Variants in ADCY10 observed in about 807,000 individuals in gnomAD.
ADCY10 encodes the protein adenylate cyclase 10, also known as adenylate cyclase type 10.
ADCY10 carries 156 observed loss-of-function variants against 183.3 expected under a neutral mutation model. The ratio of observed to expected loss-of-function variants is 0.85; its 90% CI spans 0.75 to 0.97. ADCY10 has a LOEUF of 0.97. Among genes scored for constraint, ADCY10 ranks in the 50% least tolerant of loss-of-function variants. ADCY10 has a pLI of 0.00. For missense variants in ADCY10, 1,745 were observed against 1,934.3 expected (o/e 0.90, Z 1.84); for synonymous variants, 645 against 670.0 (o/e 0.96, Z 0.58).
chr1:167,822,182 G>A (rs555126677), intron 29 of ADCY10, 41 bp from the exon 30 acceptor site: 10 of 1,259,336 alleles, frequency 7.9e-6, no homozygotes, highest in African/African-American at 2.9e-5. Context: ...TAGTAGGTGT[G>A]GGTGATCATC....
intron 13 of ADCY10, among the ~76,000 whole-genome samples, chr1:167,874,587 C>A (rs1667324147): frequency 9.2e-6 from 1 of 108,974 alleles, no homozygotes; most frequent in South Asian, 2.5e-4. Flanking sequence ...TTTGTCCCAA[C>A]AATTTCAGTC....
intron 21 of ADCY10, 200 bp downstream of exon 21, chr1:167,845,363 T>G: frequency 1.6e-6 from 1 of 609,534 alleles, no homozygotes; most frequent in Non-Finnish European, 2.9e-6. Context: ...TATAGTGAGA[T>G]TGGTTCGCTA....
rs1390163051 is a variant in ADCY10 at position 167,836,523 on chromosome 1, TC to T, written c.3094del (p.Glu1032LysfsTer4). On this transcript the variant is annotated frameshift_variant, in exon 23 of 33. Coordinates refer to ENST00000367851, the MANE Select transcript of ADCY10 (RefSeq NM_018417.6). LOFTEE classifies it high-confidence loss of function. ...GTGGTCAAAGAAATTCAAGATCTTTTCTCTTATTTCTTCAGGACTGTCCATA... is the reference window on the plus strand; with the variant it reads ...GTGGTCAAAGAAATTCAAGATCTTTTTCTTATTTCTTCAGGACTGTCCATA... Reference protein sequence around the residue: ...PENRSPEEIREKILNFFDHVL... With the variant: ...PENRSPEEIRXKILNFFDHVL... The T allele has an allele frequency of 6.2e-7, 1 of 1,607,790 alleles. No homozygotes were observed. The highest frequency in any genetic ancestry group is 8.5e-7 in the Non-Finnish European group (1 of 1,174,414).
At chr1:167,905,983 C>T (rs1050678741) in intron 1 of ADCY10, among the ~76,000 whole-genome samples, 1 of 151,976 alleles carries the variant, frequency 6.6e-6, no homozygotes, top group Non-Finnish European at 1.5e-5. Flanking sequence ...ATCCAAGTTA[C>T]TGGAATAGGT....
At chr1:167,828,166 T>C (rs1663455072) in intron 26 of ADCY10, among the ~76,000 whole-genome samples, 1 of 152,236 alleles carries the variant, frequency 6.6e-6, no homozygotes, top group African/African-American at 2.4e-5. Flanking sequence ...AAAACTGATA[T>C]TAATATAAGT....
At position 167,841,280 on chromosome 1, in the gene ADCY10, A is replaced by G. The variant is rs188964224; in HGVS notation, c.3008-3962T>C. ...CTAAAAGTATAAATTCAACATGTAT[A>G]GAATGGAAGGGCCACGCTCCTGTCT... On this transcript the variant is annotated intron_variant, in intron 21 of 32. Transcript: ENST00000367851. 2.0e-5 allele frequency among the ~76,000 whole-genome samples: 3 copies of G among 152,176 alleles called. No homozygotes were observed. In the East Asian group the frequency reaches 5.8e-4, roughly 29 times the overall value.
intron 26 of ADCY10, among the ~76,000 whole-genome samples, chr1:167,827,777 G>A (rs1419957646): frequency 6.6e-6 from 1 of 151,582 alleles, no homozygotes; most frequent in Non-Finnish European, 1.5e-5. Flanking sequence ...GCAATGGTGT[G>A]ATCTCATCTC....
intron 13 of ADCY10, 60 bp from the exon 14 acceptor site, chr1:167,870,470 T>C (rs1667022644): frequency 3.5e-6 from 5 of 1,438,154 alleles, no homozygotes; most frequent in Non-Finnish European, 4.8e-6. Context: ...TCTAGAGATA[T>C]AAAAAGTCAC....
Position 167,822,265 on chromosome 1 carries a change from G to A in ADCY10, c.4169-124C>T, listed in dbSNP as rs866918855. The A allele has an allele frequency of 1.8e-5, 14 of 783,848 alleles. No homozygotes were observed. In the South Asian group the frequency reaches 1.8e-4, roughly 10 times the overall value. The allele number at this position is 783,848 out of a possible 1,614,324, so 48.6% of individuals were successfully genotyped here. On this transcript the variant is annotated intron_variant, in intron 29 of 32. Coordinates refer to ENST00000367851, the MANE Select transcript of ADCY10 (RefSeq NM_018417.6). ...TGCCTCTGATTATTGTATGAATCCA[G>A]AGGGTCCCGTGGATTGCAACAACCT...
At chr1:167,872,286 C>G (rs1443088637) in intron 13 of ADCY10, among the ~76,000 whole-genome samples, 1 of 151,540 alleles carries the variant, frequency 6.6e-6, no homozygotes, top group Non-Finnish European at 1.5e-5. Context: ...TACAGTAAGC[C>G]GAGATGGCGC....
chr1:167,821,532 G>A (rs1293055283), intron 30 of ADCY10, among the ~76,000 whole-genome samples: 1 of 152,244 alleles, frequency 6.6e-6, no homozygotes, highest in East Asian at 1.9e-4. Flanking sequence ...CTCCATGTGA[G>A]TAGACCTACA....
At chr1:167,902,128 T>A in intron 3 of ADCY10, 74 bp from the exon 4 acceptor site, 3 of 1,408,464 alleles carry the variant, frequency 2.1e-6, no homozygotes, top group East Asian at 2.3e-5. Flanking sequence ...TCTTTCTTAG[T>A]GGAATAGAAA....
At chr1:167,890,869 G>A (rs1008456157) in intron 8 of ADCY10, among the ~76,000 whole-genome samples, 15 of 152,170 alleles carry the variant, frequency 9.9e-5, no homozygotes, top group African/African-American at 3.6e-4. Flanking sequence ...GATGTATGGA[G>A]AAGTAACACA....
At chr1:167,880,354 G>A (rs1202306774) in intron 10 of ADCY10, 137 bp downstream of exon 10, 20 of 956,610 alleles carry the variant, frequency 2.1e-5, no homozygotes, top group East Asian at 9.7e-5. Context: ...CCGGAGATGC[G>A]AAGGAGGAAC....
At chr1:167,817,978 A>C in intron 31 of ADCY10, 94 bp downstream of exon 31, 1 of 1,251,108 alleles carries the variant, frequency 8.0e-7, no homozygotes, top group Non-Finnish European at 1.1e-6. Context: ...ATAAAAATAT[A>C]TGAATTCTAT....
chr1:167,862,971 A>G (rs1337780304), intron 14 of ADCY10, among the ~76,000 whole-genome samples: 1 of 152,192 alleles, frequency 6.6e-6, no homozygotes, highest in African/African-American at 2.4e-5. Flanking sequence ...TCCTTATATG[A>G]AAATAAATAA....
At chr1:167,867,312 G>T (rs1464537936) in intron 14 of ADCY10, among the ~76,000 whole-genome samples, 1 of 152,110 alleles carries the variant, frequency 6.6e-6, no homozygotes, top group Non-Finnish European at 1.5e-5. Flanking sequence ...GAAGCTGACT[G>T]GTCCACGCAC....
chr1:167,861,192 G>A lies in ADCY10; in HGVS notation c.1617-129C>T, dbSNP rs895511048. The A allele has an allele frequency of 5.0e-5, 40 of 801,966 alleles. No individual in the cohort carries two copies. The African/African-American group carries it at 5.3e-4, about 11-fold the overall frequency. 49.7% of individuals were successfully genotyped at this position (801,966 alleles called of 1,614,324 possible). ...TGATGGAGATTTTCCAAGCTATCTC[G>A]CAATGGTTCTTTATTGCTGCTTCTG... On this transcript the variant is annotated intron_variant, in intron 14 of 32. Coordinates refer to ENST00000367851, the MANE Select transcript of ADCY10 (RefSeq NM_018417.6).
intron 9 of ADCY10, among the ~76,000 whole-genome samples, chr1:167,882,865 C>G (rs1490703754): frequency 6.6e-6 from 1 of 152,182 alleles, no homozygotes; most frequent in Non-Finnish European, 1.5e-5. Flanking sequence ...GTTTCAGCAT[C>G]CTCATCTATA....
Sources: gnomAD v4.1 joint callset for allele counts (sites outside exome capture counted in the v4.1 genomes callset) on GRCh38, gnomAD v4.1.1 for gene constraint, MANE v1.5 for transcripts, NCBI Gene and HGNC (gene_info 2026-07-23, HGNC 2026-07-21) for gene names.